WAC: variants seen among roughly 807,000 people sequenced by gnomAD.
The protein encoded by WAC is WW domain containing adaptor with coiled-coil, also known as WW domain-containing adapter protein with coiled-coil.
Under a neutral mutation model 79.6 loss-of-function variants are expected in WAC, and 11 were observed. The observed-to-expected ratio is 0.14, with a 90% CI of 0.09 to 0.23. The LOEUF (loss-of-function observed/expected upper bound fraction) is 0.23, where lower values mean the gene tolerates loss of function less well. Ranked by LOEUF, WAC falls within the 10% of genes least tolerant of loss-of-function variation. The pLI, the probability that WAC is intolerant of heterozygous loss-of-function variation, is 1.00. For missense variants in WAC, 728 were observed against 773.5 expected (o/e 0.94, Z 0.70); for synonymous variants, 304 against 276.9 (o/e 1.10, Z -0.97).
At chr10:28,548,824 A>G (rs372727624) in intron 3 of WAC, among the ~76,000 whole-genome samples, 1 of 152,184 alleles carries the variant, frequency 6.6e-6, no homozygotes. Context: ...GCCACCAGCT[A>G]CGTGTATATT....
intron 3 of WAC, among the ~76,000 whole-genome samples, chr10:28,544,789 C>T (rs1029821442): frequency 1.3e-5 from 2 of 152,024 alleles, no homozygotes; most frequent in Non-Finnish European, 2.9e-5. Context: ...AACGGCCAGG[C>T]GCGGTGGCTC....
chr10:28,565,970 A>G (rs1564389659), intron 3 of WAC, among the ~76,000 whole-genome samples: 1 of 152,214 alleles, frequency 6.6e-6, no homozygotes, highest in Non-Finnish European at 1.5e-5. Flanking sequence ...AGCACAATCT[A>G]GAATCTGACA....
intron 6 of WAC, among the ~76,000 whole-genome samples, chr10:28,592,250 G>T (rs1840130559): frequency 6.6e-6 from 1 of 152,124 alleles, no homozygotes; most frequent in African/African-American, 2.4e-5. Flanking sequence ...TGAGACCGAG[G>T]TTTTCCTCTA....
At chr10:28,539,521 AG>A in intron 3 of WAC, among the ~76,000 whole-genome samples, 1 of 152,060 alleles carries the variant, frequency 6.6e-6, no homozygotes, top group Middle Eastern at 3.4e-3. Context: ...TCTTGTTTAA[AG>A]TAACCAAAAG....
At chr10:28,534,264 A>G (rs1836486133) in intron 2 of WAC, 1 of 441,968 alleles carries the variant, frequency 2.3e-6, no homozygotes, top group Non-Finnish European at 4.0e-6. Context: ...GATTTAGGAA[A>G]AAAGAATCAT....
At chr10:28,580,777 A>C (rs572386025) in intron 3 of WAC, among the ~76,000 whole-genome samples, 2 of 152,302 alleles carry the variant, frequency 1.3e-5, no homozygotes, top group South Asian at 4.1e-4. Context: ...TTCAGCATAG[A>C]TCTCATGTTT....
intron 7 of WAC, among the ~76,000 whole-genome samples, chr10:28,605,828 A>G (rs1285883969): frequency 2.0e-5 from 3 of 152,188 alleles, no homozygotes; most frequent in South Asian, 4.1e-4. Context: ...GCAGAAGAAA[A>G]TTTACAGAAA....
chr10:28,606,742 C>CT (rs1284037654), intron 7 of WAC, among the ~76,000 whole-genome samples: 1 of 152,152 alleles, frequency 6.6e-6, no homozygotes, highest in African/African-American at 2.4e-5. Flanking sequence ...TTGTGATAGT[C>CT]TTTGAATTTT....
At chr10:28,579,013 C>G (rs991256173) in intron 3 of WAC, among the ~76,000 whole-genome samples, 1 of 152,054 alleles carries the variant, frequency 6.6e-6, no homozygotes. Context: ...TGCTCTTCTC[C>G]CTAAACCAAG....
At chr10:28,617,861 C>T in intron 13 of WAC, 77 bp downstream of exon 13, 1 of 1,435,812 alleles carries the variant, frequency 7.0e-7, no homozygotes, top group Non-Finnish European at 9.2e-7. Context: ...ATGTAAATCA[C>T]ATTTTATTTA....
chr10:28,586,384 G>A (rs528008364), intron 4 of WAC, among the ~76,000 whole-genome samples: 51 of 152,210 alleles, frequency 3.4e-4, no homozygotes, highest in African/African-American at 1.2e-3. Context: ...TCACAAAAAA[G>A]TCATGGGAAT....
At chr10:28,580,163 C>T (rs949647650) in intron 3 of WAC, among the ~76,000 whole-genome samples, 6 of 152,184 alleles carry the variant, frequency 3.9e-5, no homozygotes, top group Admixed American at 1.3e-4. Context: ...TTAGAGAAGT[C>T]AGGCTGGTGT....
At chr10:28,540,867 ACTCTTCAT>A (rs1222347423) in intron 3 of WAC, among the ~76,000 whole-genome samples, 2 of 151,120 alleles carry the variant, frequency 1.3e-5, no homozygotes, top group African/African-American at 4.9e-5. Flanking sequence ...TAATGTTTCA[ACTCTTCAT>A]TGTTTTTTTT....
chr10:28,580,459 T>C (rs767843606), intron 3 of WAC, among the ~76,000 whole-genome samples: 3 of 152,228 alleles, frequency 2.0e-5, no homozygotes, highest in Non-Finnish European at 4.4e-5. Flanking sequence ...CAGCAAACTT[T>C]TAATGTGGCA....
chr10:28,556,231 T>C (rs1486978317), intron 3 of WAC, among the ~76,000 whole-genome samples: 10 of 142,250 alleles, frequency 7.0e-5, no homozygotes, highest in Non-Finnish European at 1.3e-4. Flanking sequence ...CTTAACCTCT[T>C]GTTTTTTCCA....
At chr10:28,577,391 T>G (rs1564396867) in intron 3 of WAC, among the ~76,000 whole-genome samples, 1 of 152,192 alleles carries the variant, frequency 6.6e-6, no homozygotes, top group East Asian at 1.9e-4. Flanking sequence ...TCTGTGCTAT[T>G]CAAGTTTTTA....
chr10:28,595,860 A>G lies in WAC; in HGVS notation c.738A>G (p.Val246=). 6.2e-7 allele frequency: 1 copy of G among 1,614,192 alleles called. No individual in the cohort carries two copies. The part of the protein sequence containing the change: ...RAETHSSSTP[V]QHPIKPVVHP... ...AGACTCACAGTAGTTCTACGCCAGTACAGCACCCCATCAAACCAGTGGTTC... is the reference window on the plus strand; with the variant it reads ...AGACTCACAGTAGTTCTACGCCAGTGCAGCACCCCATCAAACCAGTGGTTC... Residue 246 remains valine (V), a synonymous_variant, in exon 7 of 14, where the codon GTA becomes GTG. Transcript: ENST00000354911.
chr10:28,572,307 A>G (rs1032521927), intron 3 of WAC, among the ~76,000 whole-genome samples: 4 of 148,184 alleles, frequency 2.7e-5, no homozygotes, highest in African/African-American at 1.0e-4. Context: ...ACTGCACTCC[A>G]GCCTGGGCAA....
At chr10:28,618,628 C>T (rs1397277607) in intron 13 of WAC, among the ~76,000 whole-genome samples, 1 of 152,134 alleles carries the variant, frequency 6.6e-6, no homozygotes, top group Non-Finnish European at 1.5e-5. Flanking sequence ...AAATATCAAG[C>T]CAGCCTGATT....
Sources: allele counts gnomAD v4.1 joint callset (sites outside exome capture counted in the v4.1 genomes callset), GRCh38; gene constraint gnomAD v4.1.1; transcripts MANE v1.5; gene names NCBI Gene and HGNC (gene_info 2026-07-23, HGNC 2026-07-21).